Variants in CDH12 observed in about 807,000 individuals in gnomAD.
CDH12 encodes the protein cadherin 12.
A neutral mutation model predicts 74.1 loss-of-function variants in CDH12; 41 were observed. That is an observed-to-expected ratio of 0.55 (90% CI 0.43 to 0.72). The LOEUF is 0.72. Among genes scored for constraint, CDH12 ranks in the 30% least tolerant of loss-of-function variants. The probability of loss-of-function intolerance (pLI) is 0.00; values close to 1 mark genes in which losing one functional copy is unlikely to be tolerated. For synonymous variants in CDH12, 399 were observed against 355.0 expected, an observed-to-expected ratio of 1.12 and a Z score of -1.39; for missense variants, 945 against 977.2, an observed-to-expected ratio of 0.97 and a Z score of 0.44.
At chr5:22,659,530 G>A (rs1458892398) in intron 1 of CDH12, among the ~76,000 whole-genome samples, 1 of 151,946 alleles carries the variant, frequency 6.6e-6, no homozygotes, top group Non-Finnish European at 1.5e-5. Flanking sequence ...TATGTACTGT[G>A]CACATATATA....
intron 5 of CDH12, among the ~76,000 whole-genome samples, chr5:21,999,970 C>T (rs2150142977): frequency 6.6e-6 from 1 of 152,216 alleles, no homozygotes; most frequent in South Asian, 2.1e-4. Context: ...TACTTTTGCA[C>T]TACTAGGCAT....
chr5:22,820,887 G>A, intron 1 of CDH12, among the ~76,000 whole-genome samples: 3 of 151,714 alleles, frequency 2.0e-5, no homozygotes, highest in Non-Finnish European at 3.0e-5. Context: ...CATTTTATGA[G>A]GCCAGCATCA....
intron 1 of CDH12, among the ~76,000 whole-genome samples, chr5:22,782,908 T>G (rs1356129441): frequency 6.6e-6 from 1 of 152,148 alleles, no homozygotes; most frequent in East Asian, 1.9e-4. Flanking sequence ...AATAAAAACT[T>G]TCATTTACTT....
intron 1 of CDH12, among the ~76,000 whole-genome samples, chr5:22,750,281 T>C (rs1231669453): frequency 6.6e-6 from 1 of 152,140 alleles, no homozygotes; most frequent in Non-Finnish European, 1.5e-5. Context: ...GTTCGCATGC[T>C]GTAGAGCCTT....
chr5:21,861,009 T>A (rs190065955), intron 6 of CDH12, among the ~76,000 whole-genome samples: 1,580 of 152,176 alleles, frequency 0.01, 17 homozygotes, highest in Non-Finnish European at 0.017. Context: ...TCACTGCTTC[T>A]GTGAGTTTTA....
At chr5:22,478,554 A>G (rs989496541) in intron 2 of CDH12, among the ~76,000 whole-genome samples, 1 of 152,096 alleles carries the variant, frequency 6.6e-6, no homozygotes, top group Non-Finnish European at 1.5e-5. Flanking sequence ...GTTCAAGTAG[A>G]GAAGTAAAAA....
At chr5:22,657,273 G>A (rs946217800) in intron 1 of CDH12, among the ~76,000 whole-genome samples, 19 of 152,100 alleles carry the variant, frequency 1.2e-4, no homozygotes, top group Non-Finnish European at 7.4e-5. Flanking sequence ...AAATGGGTAC[G>A]AGGATGCTTC....
intron 3 of CDH12, among the ~76,000 whole-genome samples, chr5:22,292,341 G>GTTTTTTTT (rs60010478): frequency 3.8e-5 from 4 of 105,402 alleles, no homozygotes; most frequent in Non-Finnish European, 6.0e-5. Flanking sequence ...TTTGGTTTTT[G>GTTTTTTTT]TTTTTTTTTT....
chr5:22,615,238 T>C (rs1737636361), intron 1 of CDH12, among the ~76,000 whole-genome samples: 1 of 152,072 alleles, frequency 6.6e-6, no homozygotes, highest in Admixed American at 6.6e-5. Flanking sequence ...TTTGTTTGAT[T>C]AAGTCCTCAC....
intron 1 of CDH12, among the ~76,000 whole-genome samples, chr5:22,844,330 T>G (rs2126529057): frequency 6.6e-6 from 1 of 152,214 alleles, no homozygotes; most frequent in South Asian, 2.1e-4. Flanking sequence ...ATGTTAGAGA[T>G]AATGGGCAAC....
chr5:21,809,086 CTATT>C (rs993088424), intron 9 of CDH12, among the ~76,000 whole-genome samples: 9 of 151,928 alleles, frequency 5.9e-5, no homozygotes, highest in African/African-American at 1.9e-4. Flanking sequence ...TGTAACAAAA[CTATT>C]TATTAGAAAT....
chr5:22,833,718 GT>G (rs1167794663), intron 1 of CDH12, among the ~76,000 whole-genome samples: 3 of 152,110 alleles, frequency 2.0e-5, no homozygotes, highest in Non-Finnish European at 4.4e-5. Context: ...TAATTGGCAA[GT>G]TTTTTAAAAT....
intron 5 of CDH12, among the ~76,000 whole-genome samples, chr5:22,051,466 T>C (rs1212239348): frequency 6.6e-6 from 1 of 152,172 alleles, no homozygotes; most frequent in African/African-American, 2.4e-5. Context: ...AATGATTCCA[T>C]GTAACATTTT....
chr5:22,274,044 C>A (rs1193504163), intron 3 of CDH12, among the ~76,000 whole-genome samples: 5 of 151,956 alleles, frequency 3.3e-5, no homozygotes, highest in Non-Finnish European at 1.5e-5. Flanking sequence ...TATAATATTA[C>A]CTAATCTTTA....
intron 6 of CDH12, among the ~76,000 whole-genome samples, chr5:21,912,994 C>A (rs1753929681): frequency 6.6e-6 from 1 of 152,106 alleles, no homozygotes; most frequent in Non-Finnish European, 1.5e-5. Context: ...AGGCGTGTGC[C>A]ACAACACTGG....
At chr5:21,755,533 G>A (rs770035310) in intron 14 of CDH12, 58 bp downstream of exon 14, 7 of 1,497,702 alleles carry the variant, frequency 4.7e-6, no homozygotes, top group African/African-American at 2.8e-5. Context: ...GGAGAGAGAG[G>A]GGAAAAAAAG....
At chr5:22,815,684 C>T (rs1410951560) in intron 1 of CDH12, among the ~76,000 whole-genome samples, 3 of 149,314 alleles carry the variant, frequency 2.0e-5, no homozygotes, top group African/African-American at 7.4e-5. Context: ...TAAGGAGAAT[C>T]GCTTGAACCT....
chr5:22,422,352 G>GT (rs922791213), intron 2 of CDH12, among the ~76,000 whole-genome samples: 1 of 152,142 alleles, frequency 6.6e-6, no homozygotes, highest in Admixed American at 6.5e-5. Flanking sequence ...TAATTATGCA[G>GT]TTTTTTTCTT....
In CDH12 at chr5:22,716,254, C is replaced by G. The variant is rs569997677; in HGVS notation, c.-523+136804G>C. ...AATCAGTGTGAAGAGAGGAGCAGAGCCTTTACTGGATGGTTGGTGAAGGGC... is the reference window on the plus strand; with the variant it reads ...AATCAGTGTGAAGAGAGGAGCAGAGGCTTTACTGGATGGTTGGTGAAGGGC... On this transcript the variant is annotated intron_variant, in intron 1 of 14. Coordinates refer to ENST00000382254, the MANE Select transcript of CDH12 (RefSeq NM_004061.5). 1.9e-4 allele frequency among the ~76,000 whole-genome samples: 29 copies of G among 152,126 alleles called. 2 individuals are homozygous for G. In the South Asian group the frequency reaches 5.6e-3, roughly 29 times the overall value.
Sources: allele counts gnomAD v4.1 joint callset (sites outside exome capture counted in the v4.1 genomes callset), GRCh38; gene constraint gnomAD v4.1.1; transcripts MANE v1.5; gene names NCBI Gene and HGNC (gene_info 2026-07-23, HGNC 2026-07-21).